Variants in RANBP3 observed in about 807,000 individuals in gnomAD.
RANBP3 encodes RAN binding protein 3, also known as ran-binding protein 3.
RANBP3 carries 14 observed loss-of-function variants against 77.3 expected under a neutral mutation model. The observed-to-expected ratio is 0.18, with a 90% CI of 0.12 to 0.28. The LOEUF (loss-of-function observed/expected upper bound fraction) is 0.28, where lower values mean the gene tolerates loss of function less well. Among genes scored for constraint, RANBP3 ranks in the 10% least tolerant of loss-of-function variants. The pLI, the probability that RANBP3 is intolerant of heterozygous loss-of-function variation, is 1.00. For synonymous variants in RANBP3, 315 were observed against 312.4 expected, an observed-to-expected ratio of 1.01 and a Z score of -0.09; for missense variants, 586 against 752.3, an observed-to-expected ratio of 0.78 and a Z score of 2.59.
intron 10 of RANBP3, chr19:5,925,217 G>A (rs1030447935): frequency 2.0e-6 from 1 of 489,690 alleles, no homozygotes; most frequent in South Asian, 2.1e-5. Context: ...TGGTCCGTGG[G>A]TAGCATTACC....
At chr19:5,934,394 G>A (rs1367894613) in intron 5 of RANBP3, 1 of 152,170 alleles carries the variant, frequency 6.6e-6, no homozygotes, top group Non-Finnish European at 1.5e-5. Flanking sequence ...CAAGCTACAG[G>A]ACACAAGATC....
At chr19:5,936,968 A>G (rs1385906445) in intron 5 of RANBP3, among the ~76,000 whole-genome samples, 1 of 141,652 alleles carries the variant, frequency 7.1e-6, no homozygotes, top group East Asian at 2.2e-4. Context: ...AGGCTTGAGA[A>G]TCTCTTGAGC....
At chr19:5,943,251 G>A (rs936218961) in intron 3 of RANBP3, among the ~76,000 whole-genome samples, 4 of 152,210 alleles carry the variant, frequency 2.6e-5, no homozygotes, top group African/African-American at 4.8e-5. Context: ...CTGCCTCGAC[G>A]AGCTGCTGGG....
chr19:5,921,147 TC>T lies in RANBP3; in HGVS notation c.1330+53del. 6.3e-7 allele frequency: 1 copy of T among 1,576,582 alleles called. No individual in the cohort carries two copies. On this transcript the variant is annotated intron_variant, in intron 14 of 16. Coordinates refer to ENST00000340578, the MANE Select transcript of RANBP3 (RefSeq NM_007322.3). This position sits in a 1 kb window ranked among gnomAD's most constrained non-coding sequence, Gnocchi z 5.3. ...CTTCATTCCCTTTGGAATTGCATAG[TC>T]CCCAGCCCTCCCCATGGGGACCCGG...
At position 5,920,738 on chromosome 19, in the gene RANBP3, G is replaced by C. The variant is rs562365386; in HGVS notation, c.1330+463C>G. ...AATTTTTGTATTTTTAGTAGAGACA[G>C]GGTTTTGCCATGTTGGCCAGGCTGG... On this transcript the variant is annotated intron_variant, in intron 14 of 16. Coordinates refer to ENST00000340578, the MANE Select transcript of RANBP3 (RefSeq NM_007322.3). 1.4e-3 allele frequency among the ~76,000 whole-genome samples: 220 copies of C among 152,274 alleles called. 1 individual carries two copies. The highest frequency in any genetic ancestry group is 5.1e-3 in the African/African-American group (210 of 41,558).
At chr19:5,931,643 A>G in intron 7 of RANBP3, 112 bp from the exon 8 acceptor site, 1 of 1,168,412 alleles carries the variant, frequency 8.6e-7, no homozygotes, top group East Asian at 2.6e-5. Flanking sequence ...CCCATGGTAA[A>G]GCCCACAGCA....
Position 5,957,883 on chromosome 19 carries a change from T to TAACGAAGTGAAGAGAG in RANBP3, c.78+19_78+34dup, listed in dbSNP as rs1335012311. 3.1e-6 allele frequency: 5 copies of TAACGAAGTGAAGAGAG among 1,608,712 alleles called. No individual in the cohort carries two copies. In the East Asian group the frequency reaches 8.9e-5, roughly 29 times the overall value. On this transcript the variant is annotated intron_variant, in intron 2 of 16. Coordinates refer to ENST00000340578, the MANE Select transcript of RANBP3 (RefSeq NM_007322.3). ...TCAGTAAAGAGAGAACAAATTAGAG[T>TAACGAAGTGAAGAGAG]AACGAAGTGAAGAGAGAACGTACCG...
chr19:5,947,952 T>A (rs1393964845), intron 3 of RANBP3, among the ~76,000 whole-genome samples: 3 of 152,194 alleles, frequency 2.0e-5, no homozygotes, highest in Admixed American at 1.3e-4. Flanking sequence ...TTGTCACATT[T>A]ATTAAGAATT....
intron 1 of RANBP3, among the ~76,000 whole-genome samples, 177 bp downstream of exon 1, chr19:5,977,884 G>T (rs1039647718): frequency 2.6e-5 from 4 of 152,168 alleles, no homozygotes; most frequent in Non-Finnish European, 5.9e-5. Context: ...GGGCCGGGCC[G>T]GTGAGCCCGG....
chr19:5,920,324 AG>A (rs1309874046), intron 14 of RANBP3, among the ~76,000 whole-genome samples: 1 of 152,148 alleles, frequency 6.6e-6, no homozygotes, highest in African/African-American at 2.4e-5. Flanking sequence ...ACTTGAGCCC[AG>A]GAATTTGAGG....
chr19:5,923,426 G>A, intron 12 of RANBP3, 123 bp from the exon 13 acceptor site: 1 of 907,258 alleles, frequency 1.1e-6, no homozygotes, highest in Admixed American at 2.2e-5. Flanking sequence ...CCCCTGGCAG[G>A]CCTGCCCCGG....
intron 2 of RANBP3, 76 bp from the exon 3 acceptor site, chr19:5,951,672 C>G: frequency 2.9e-6 from 4 of 1,385,062 alleles, no homozygotes; most frequent in Non-Finnish European, 4.0e-6. Context: ...GGGCAGGGGT[C>G]AGAGGCTGGA....
intron 1 of RANBP3, among the ~76,000 whole-genome samples, chr19:5,973,494 G>A (rs577272375): frequency 1.3e-5 from 2 of 152,210 alleles, no homozygotes; most frequent in African/African-American, 4.8e-5. Flanking sequence ...ATCCTACAGT[G>A]CACAGCGCAA....
intron 1 of RANBP3, among the ~76,000 whole-genome samples, chr19:5,963,772 C>G (rs565791039): frequency 2.6e-5 from 4 of 152,296 alleles, no homozygotes; most frequent in African/African-American, 4.8e-5. Flanking sequence ...TCTGGCCCAC[C>G]ACATACTTCT....
chr19:5,933,714 C>T, intron 5 of RANBP3: 2 of 460,260 alleles, frequency 4.3e-6, no homozygotes, highest in East Asian at 7.8e-5. Context: ...CAGCTGCTGA[C>T]CATGGGGGCA....
intron 8 of RANBP3, among the ~76,000 whole-genome samples, chr19:5,929,786 C>T (rs1398557760): frequency 6.6e-6 from 1 of 152,220 alleles, no homozygotes; most frequent in African/African-American, 2.4e-5. Context: ...ATACACACAG[C>T]GAGCCTGGCG....
intron 1 of RANBP3, among the ~76,000 whole-genome samples, chr19:5,975,284 G>A (rs2058577171): frequency 6.6e-6 from 1 of 152,134 alleles, no homozygotes; most frequent in Non-Finnish European, 1.5e-5. Context: ...CAGGGACAAC[G>A]TGCTAGGTGA....
At position 5,977,342 on chromosome 19, in the gene RANBP3, T is replaced by C. The variant is rs1272591801; in HGVS notation, c.22+719A>G. Among the ~76,000 whole-genome samples, 4 of 152,004 alleles carry C rather than the reference T, an allele frequency of 2.6e-5. No homozygotes were observed. In the East Asian group the frequency reaches 7.7e-4, roughly 29 times the overall value. On this transcript the variant is annotated intron_variant, in intron 1 of 16. Coordinates refer to ENST00000340578, the MANE Select transcript of RANBP3 (RefSeq NM_007322.3). Reference sequence around the variant, plus strand: ...TGTAACCTTGTCAAAAACACTCAGGTGGGCTGTCAGCGCTCCACAGAGGAG... The same window carrying C: ...TGTAACCTTGTCAAAAACACTCAGGCGGGCTGTCAGCGCTCCACAGAGGAG...
chr19:5,958,024 T>A lies in RANBP3; in HGVS notation c.23-51A>T. On this transcript the variant is annotated intron_variant, in intron 1 of 16. Transcript: ENST00000340578. This position sits in a 1 kb window ranked among gnomAD's most constrained non-coding sequence, Gnocchi z 4.4. ...TCCCCCCAACACTATATGCATACAGTAAACAAAGCTACACTTGTTTGTAAT... is the reference window on the plus strand; with the variant it reads ...TCCCCCCAACACTATATGCATACAGAAAACAAAGCTACACTTGTTTGTAAT... 6.8e-7 allele frequency: 1 copy of A among 1,480,728 alleles called. No individual in the cohort carries two copies. The highest frequency in any genetic ancestry group is 9.4e-7 in the Non-Finnish European group (1 of 1,060,310). The allele number at this position is 1,480,728 out of a possible 1,614,324, so 91.7% of individuals were successfully genotyped here.
Sources: allele counts gnomAD v4.1 joint callset (sites outside exome capture counted in the v4.1 genomes callset), GRCh38; gene constraint gnomAD v4.1.1; non-coding constraint Gnocchi (gnomAD v3.1); transcripts MANE v1.5; gene names NCBI Gene and HGNC (gene_info 2026-07-23, HGNC 2026-07-21).